Variants in MYO5A observed in about 807,000 individuals in gnomAD.
The protein encoded by MYO5A is unconventional myosin-Va.
A neutral mutation model predicts 249.7 loss-of-function variants in MYO5A; 98 were observed. The ratio of observed to expected loss-of-function variants is 0.39; its 90% CI spans 0.33 to 0.46. The LOEUF (loss-of-function observed/expected upper bound fraction) is 0.46, where lower values mean the gene tolerates loss of function less well. MYO5A is among the 20% of genes least tolerant of loss of function. The pLI, the probability that MYO5A is intolerant of heterozygous loss-of-function variation, is 0.98. For missense variants in MYO5A, 1,696 were observed against 2,308.8 expected, an observed-to-expected ratio of 0.73 and a Z score of 5.44; for synonymous variants, 778 against 810.6, an observed-to-expected ratio of 0.96 and a Z score of 0.68.
At chr15:52,315,398 C>CTT (rs67694030) in intron 40 of MYO5A, among the ~76,000 whole-genome samples, 5 of 146,106 alleles carry the variant, frequency 3.4e-5, no homozygotes, top group Admixed American at 6.9e-5. Flanking sequence ...TACTGATTGA[C>CTT]TTTTTTTTTT....
intron 35 of MYO5A, among the ~76,000 whole-genome samples, chr15:52,328,313 T>G (rs1289757945): frequency 6.6e-6 from 1 of 152,134 alleles, no homozygotes; most frequent in Non-Finnish European, 1.5e-5. Flanking sequence ...CAAACCAAAT[T>G]CTTGCTTCTC....
At chr15:52,491,216 G>A (rs149368994) in intron 1 of MYO5A, among the ~76,000 whole-genome samples, 12 of 152,240 alleles carry the variant, frequency 7.9e-5, no homozygotes, top group South Asian at 4.1e-4. Context: ...GATGACCTAC[G>A]ATGATAACTA....
chr15:52,343,998 T>C (rs953990888), intron 30 of MYO5A, among the ~76,000 whole-genome samples: 4 of 152,216 alleles, frequency 2.6e-5, no homozygotes, highest in African/African-American at 9.6e-5. Flanking sequence ...ATTTGCCACA[T>C]TGCAGAGGAA....
intron 1 of MYO5A, among the ~76,000 whole-genome samples, chr15:52,520,683 C>G (rs2141657860): frequency 6.6e-6 from 1 of 152,296 alleles, no homozygotes; most frequent in East Asian, 1.9e-4. Flanking sequence ...CTGACTAACA[C>G]TGTTAAAGAG....
At chr15:52,413,774 C>A (rs1595629729) in intron 5 of MYO5A, among the ~76,000 whole-genome samples, 1 of 152,226 alleles carries the variant, frequency 6.6e-6, no homozygotes, top group African/African-American at 2.4e-5. Flanking sequence ...CAACTCTTTA[C>A]CAAATTTTTC....
At chr15:52,397,124 A>T in intron 10 of MYO5A, 77 bp downstream of exon 10, 1 of 1,539,170 alleles carries the variant, frequency 6.5e-7, no homozygotes, top group Non-Finnish European at 8.9e-7. Context: ...AAACAGAATC[A>T]AATGCCCACT....
intron 1 of MYO5A, among the ~76,000 whole-genome samples, chr15:52,448,090 T>C (rs2075932477): frequency 6.6e-6 from 1 of 152,202 alleles, no homozygotes; most frequent in African/African-American, 2.4e-5. Flanking sequence ...GCTTACACCA[T>C]GTGCCTGGAA....
chr15:52,482,842 C>T (rs1465013878), intron 1 of MYO5A, among the ~76,000 whole-genome samples: 1 of 152,126 alleles, frequency 6.6e-6, no homozygotes, highest in Non-Finnish European at 1.5e-5. Context: ...TCCCCTGATG[C>T]CCCTGGACTA....
At chr15:52,498,071 AAAG>A (rs1176318145) in intron 1 of MYO5A, among the ~76,000 whole-genome samples, 1 of 152,092 alleles carries the variant, frequency 6.6e-6, no homozygotes, top group East Asian at 1.9e-4. Flanking sequence ...AAACTCAAAG[AAAG>A]TAGAAAAAAG....
At chr15:52,407,800 T>C (rs998238697) in intron 7 of MYO5A, among the ~76,000 whole-genome samples, 5 of 151,998 alleles carry the variant, frequency 3.3e-5, no homozygotes, top group African/African-American at 7.2e-5. Flanking sequence ...GAGAGACTAA[T>C]AGAATGAGCC....
intron 1 of MYO5A, among the ~76,000 whole-genome samples, chr15:52,493,993 C>G (rs560523487): frequency 1.3e-5 from 2 of 152,270 alleles, no homozygotes; most frequent in East Asian, 1.9e-4. Flanking sequence ...GAGCAAACTA[C>G]GAGCACAGCA....
At chr15:52,392,713 C>G (rs1447652121) in intron 11 of MYO5A, among the ~76,000 whole-genome samples, 1 of 152,266 alleles carries the variant, frequency 6.6e-6, no homozygotes, top group Non-Finnish European at 1.5e-5. Context: ...TGCTTCTCAT[C>G]TCCATTCACA....
At chr15:52,473,273 C>A (rs1004378706) in intron 1 of MYO5A, among the ~76,000 whole-genome samples, 9 of 152,104 alleles carry the variant, frequency 5.9e-5, no homozygotes, top group Admixed American at 2.6e-4. Context: ...TGTTTAAGTT[C>A]TTTGTAGATT....
Position 52,319,349 on chromosome 15 carries a change from G to A in MYO5A, c.4952-7C>T. The A allele has an allele frequency of 6.2e-7, 1 of 1,613,832 alleles. No homozygotes were observed. Among genetic ancestry groups the A allele is most frequent in the Non-Finnish European group, 8.5e-7 (1 of 1,179,834 alleles). ...TGTTCCAGCATGCCTGAGACTGCAG[G>A]AGTATTTCAATTGTTAGAGGAGATG... is the stretch of plus-strand genomic sequence containing the variant. On this transcript the variant is annotated splice_region_variant and splice_polypyrimidine_tract_variant and intron_variant, in intron 38 of 41. Transcript: ENST00000399233.
chr15:52,379,961 C>T (rs1343006061), intron 16 of MYO5A, 53 bp from the exon 17 acceptor site: 7 of 1,558,530 alleles, frequency 4.5e-6, no homozygotes, highest in African/African-American at 1.4e-5. Flanking sequence ...CTGGTGGCCA[C>T]AAATTACTCT....
chr15:52,483,391 A>T (rs2076753628), intron 1 of MYO5A, among the ~76,000 whole-genome samples: 1 of 152,144 alleles, frequency 6.6e-6, no homozygotes, highest in South Asian at 2.1e-4. Flanking sequence ...TTACCCTTTG[A>T]AGGGACCGTG....
At chr15:52,502,384 C>T (rs17651623) in intron 1 of MYO5A, among the ~76,000 whole-genome samples, 25 of 152,210 alleles carry the variant, frequency 1.6e-4, no homozygotes, top group Non-Finnish European at 2.8e-4. Flanking sequence ...GGGTCTAACA[C>T]TGAACAACAG....
At chr15:52,451,209 C>T (rs2076014144) in intron 1 of MYO5A, among the ~76,000 whole-genome samples, 1 of 152,026 alleles carries the variant, frequency 6.6e-6, no homozygotes, top group South Asian at 2.1e-4. Context: ...GATAGTTGCT[C>T]CTGGGAAAAA....
At chr15:52,335,332 A>G (rs1417469440) in intron 34 of MYO5A, among the ~76,000 whole-genome samples, 1 of 152,024 alleles carries the variant, frequency 6.6e-6, no homozygotes, top group Non-Finnish European at 1.5e-5. Flanking sequence ...CCTGGCCAAC[A>G]TGGTGAAACC....
Sources: gnomAD v4.1 joint callset for allele counts (sites outside exome capture counted in the v4.1 genomes callset) on GRCh38, gnomAD v4.1.1 for gene constraint, MANE v1.5 for transcripts, NCBI Gene and HGNC (gene_info 2026-07-23, HGNC 2026-07-21) for gene names.